PCDHGA1: variants seen among roughly 807,000 people sequenced by gnomAD.
PCDHGA1 encodes protocadherin gamma-A1.
In PCDHGA1, 32 loss-of-function variants were observed where a neutral mutation model predicts 58.0. The ratio of observed to expected loss-of-function variants is 0.55; its 90% confidence interval spans 0.42 to 0.74. The LOEUF is 0.74. Among genes scored for constraint, PCDHGA1 ranks in the 30% least tolerant of loss-of-function variants. The pLI, the probability that PCDHGA1 is intolerant of heterozygous loss-of-function variation, is 0.00. For synonymous variants in PCDHGA1, 498 were observed against 501.1 expected, an observed-to-expected ratio of 0.99 and a Z score of 0.08; for missense variants, 1,205 against 1,182.3, an observed-to-expected ratio of 1.02 and a Z score of -0.28.
chr5:141,505,348 G>C, intron 2 of PCDHGA1, 45 bp from the exon 3 acceptor site: 1 of 1,613,358 alleles, frequency 6.2e-7, no homozygotes, highest in Non-Finnish European at 8.5e-7. Flanking sequence ...GGCATGAGCT[G>C]TGCCGGCCTG....
In PCDHGA1 at chr5:141,500,954, C is replaced by T. The variant is rs536993707; in HGVS notation, c.2481-4439C>T. On this transcript the variant is annotated intron_variant, in intron 2 of 3. Coordinates refer to ENST00000517417, the MANE Select transcript of PCDHGA1 (RefSeq NM_018912.3). Reference sequence around the variant, plus strand: ...CGCCATCTCGGCTCACTGCAAGCTCCACCTCCTGGGTTCAAGCAATTCTCC... The same window carrying T: ...CGCCATCTCGGCTCACTGCAAGCTCTACCTCCTGGGTTCAAGCAATTCTCC... Among the ~76,000 whole-genome samples the T allele has an allele frequency of 2.4e-3, 358 of 152,060 alleles. 1 individual carries two copies. The highest frequency in any genetic ancestry group is 4.1e-3 in the Admixed American group (63 of 15,282).
At chr5:141,389,893 T>TGCCGGATATCACTGACC in intron 1 of PCDHGA1, 1 of 1,614,094 alleles carries the variant, frequency 6.2e-7, no homozygotes, top group Non-Finnish European at 8.5e-7. Context: ...CAGGAGGTGC[T>TGCCGGATATCACTGACC]GCCGGATATC....
Position 141,330,779 on chromosome 5 carries a change from A to G in PCDHGA1, c.95A>G (p.His32Arg). 6.2e-7 allele frequency: 1 copy of G among 1,614,194 alleles called. No homozygotes were observed. Among genetic ancestry groups the G allele is most frequent in the Non-Finnish European group, 8.5e-7 (1 of 1,180,048 alleles). The change falls in exon 1 of 4, where the codon CAC becomes CGC. Residue 32 changes from histidine (H) to arginine (R), a missense_variant. By Grantham distance (29) the His-to-Arg change is conservative. Coordinates refer to ENST00000517417, the MANE Select transcript of PCDHGA1 (RefSeq NM_018912.3). ...TTGGAAGCTGGGGCTGGGAATATTC[A>G]CTACTCAGTGCCGGAAGAGACAGAC... The part of the protein sequence containing the change: ...LLLEAGAGNI[H>R]YSVPEETDKG...
chr5:141,356,291 C>T, intron 1 of PCDHGA1: 1 of 1,555,506 alleles, frequency 6.4e-7, no homozygotes, highest in South Asian at 1.2e-5. Flanking sequence ...TCCCCGGGTA[C>T]AGTAATTGCA....
At position 141,512,045 on chromosome 5, in the gene PCDHGA1, C is replaced by T. The variant is rs568357347; in HGVS notation, c.*872C>T. On this transcript the variant is annotated 3_prime_UTR_variant, in exon 4 of 4. Transcript: ENST00000517417. ...GGCCTTGGAGGAGGCTCTGTATGTC[C>T]TCAGGGGACTGACAACATCCTCCAG... The T allele has an allele frequency of 1.5e-3, 224 of 152,846 alleles. 2 individuals are homozygous for T. The highest frequency in any genetic ancestry group is 4.6e-4 in the Non-Finnish European group (31 of 68,130). The allele number at this position is 152,846 out of a possible 1,614,324, so 9.5% of individuals were successfully genotyped here. A position where few individuals can be genotyped will look rare whatever the true frequency, so the allele number is the denominator to read the frequency against.
rs757410882 is a variant in PCDHGA1 at position 141,421,504 on chromosome 5, C to T, written c.2422-73303C>T. 8 of 1,614,062 alleles carry T rather than the reference C, an allele frequency of 5.0e-6. No homozygotes were observed. The highest frequency in any genetic ancestry group is 3.3e-5 in the South Asian group (3 of 91,088). ...CTTGATCACGGCAGGCAGGATAGACCGGGAGGAGCTCTGTGAGACGGTGTC... is the reference window on the plus strand; with the variant it reads ...CTTGATCACGGCAGGCAGGATAGACTGGGAGGAGCTCTGTGAGACGGTGTC... On this transcript the variant is annotated intron_variant, in intron 1 of 3. Transcript: ENST00000517417.
rs1757939197 is a variant in PCDHGA1 at position 141,347,244 on chromosome 5, C to G, written c.2421+14139C>G. 2.6e-5 allele frequency among the ~76,000 whole-genome samples: 4 copies of G among 151,534 alleles called. No homozygotes were observed. In the South Asian group the frequency reaches 8.3e-4, roughly 31 times the overall value. On this transcript the variant is annotated intron_variant, in intron 1 of 3. Transcript: ENST00000517417. Reference sequence around the variant, plus strand: ...TCACGGCTCACTGCAGCCTTGACCTCGCAGACTCAAGTGATCCTCCCACCT... The same window carrying G: ...TCACGGCTCACTGCAGCCTTGACCTGGCAGACTCAAGTGATCCTCCCACCT...
chr5:141,333,005 A>G lies in PCDHGA1; in HGVS notation c.2321A>G (p.Asn774Ser), dbSNP rs1234741327. 6.2e-6 allele frequency: 10 copies of G among 1,614,192 alleles called. No individual in the cohort carries two copies. The African/African-American group carries it at 8.0e-5, about 13-fold the overall frequency. ...AGCCACCTGATTTTCCCCCAGCCCAACTATGCGGACACACTCATCAGCCAG... is the reference window on the plus strand; with the variant it reads ...AGCCACCTGATTTTCCCCCAGCCCAGCTATGCGGACACACTCATCAGCCAG... ...RKSHLIFPQP[N>S]YADTLISQES... The change falls in exon 1 of 4, where the codon AAC becomes AGC. Residue 774 changes from asparagine to serine, a missense_variant. Physicochemically the swap from Asn to Ser is conservative, Grantham distance 46. Coordinates refer to ENST00000517417, the MANE Select transcript of PCDHGA1 (RefSeq NM_018912.3).
chr5:141,374,093 C>G (rs1039229802), intron 1 of PCDHGA1: 2 of 1,554,704 alleles, frequency 1.3e-6, no homozygotes, highest in South Asian at 1.2e-5. Context: ...AATGGCGCCT[C>G]CGCAGAGGCA....
intron 1 of PCDHGA1, chr5:141,375,799 C>T: frequency 6.2e-7 from 1 of 1,614,232 alleles, no homozygotes; most frequent in Non-Finnish European, 8.5e-7. Flanking sequence ...CAGACGGTTC[C>T]ACTGGCGTGG....
At chr5:141,390,455 T>C (rs2092151799) in intron 1 of PCDHGA1, 6 of 771,128 alleles carry the variant, frequency 7.8e-6, no homozygotes, top group Non-Finnish European at 1.2e-5. Context: ...AGGAGTAAAG[T>C]AGGAGCAATT....
intron 1 of PCDHGA1, among the ~76,000 whole-genome samples, chr5:141,437,491 T>C (rs1428543921): frequency 6.6e-6 from 1 of 152,184 alleles, no homozygotes; most frequent in Non-Finnish European, 1.5e-5. Flanking sequence ...ATCTCGTAGA[T>C]CACTTTTCAA....
At chr5:141,370,644 T>G in intron 1 of PCDHGA1, 1 of 1,613,920 alleles carries the variant, frequency 6.2e-7, no homozygotes, top group African/African-American at 1.3e-5. Flanking sequence ...AAATGGGAAC[T>G]TACTTGTGAG....
At chr5:141,478,087 C>T in intron 1 of PCDHGA1, 1 of 1,614,134 alleles carries the variant, frequency 6.2e-7, no homozygotes, top group East Asian at 2.2e-5. Flanking sequence ...CTTCGCTCTC[C>T]ACCACTGCTA....
chr5:141,355,459 G>T, intron 1 of PCDHGA1: 2 of 1,614,082 alleles, frequency 1.2e-6, no homozygotes, highest in Non-Finnish European at 1.7e-6. Flanking sequence ...CTTGGTCACC[G>T]CGGGTAGGAT....
intron 1 of PCDHGA1, chr5:141,410,044 C>G: frequency 6.2e-7 from 1 of 1,613,184 alleles, no homozygotes; most frequent in Non-Finnish European, 8.5e-7. Flanking sequence ...CCAGTGAGCC[C>G]GGACTCTTCA....
chr5:141,395,542 TTGTGTG>T (rs55729045), intron 1 of PCDHGA1: 20,097 of 170,756 alleles, frequency 0.12, 1,101 homozygotes, highest in Admixed American at 0.15. Context: ...TTGCTATTGT[TTGTGTG>T]TGTGTGTGTG....
At chr5:141,478,234 G>C (rs762337749) in intron 1 of PCDHGA1, 21 of 1,614,082 alleles carry the variant, frequency 1.3e-5, no homozygotes, top group Non-Finnish European at 1.8e-5. Flanking sequence ...TGGGGTTTGT[G>C]GTCACAGTGT....
At chr5:141,465,856 C>T (rs1442431032) in intron 1 of PCDHGA1, among the ~76,000 whole-genome samples, 1 of 152,184 alleles carries the variant, frequency 6.6e-6, no homozygotes, top group East Asian at 1.9e-4. Context: ...GGCCCAGTGG[C>T]TCATGCCTGT....
Sources: gnomAD v4.1 joint callset for allele counts (sites outside exome capture counted in the v4.1 genomes callset) on GRCh38, gnomAD v4.1.1 for gene constraint, MANE v1.5 for transcripts, NCBI Gene and HGNC (gene_info 2026-07-23, HGNC 2026-07-21) for gene names.